The following EEPD1 variants were observed in gnomAD, a reference collection of about 807,000 sequenced individuals.
EEPD1 encodes endonuclease/exonuclease/phosphatase family domain-containing protein 1.
EEPD1 carries 17 observed loss-of-function variants against 46.3 expected under a neutral mutation model. The observed-to-expected ratio is 0.37, with a 90% CI of 0.25 to 0.55. The LOEUF (loss-of-function observed/expected upper bound fraction) is 0.55, where lower values mean the gene tolerates loss of function less well. Among genes scored for constraint, EEPD1 ranks in the 20% least tolerant of loss-of-function variants. The pLI is 0.83. For missense variants in EEPD1, 673 were observed against 745.6 expected (o/e 0.90, Z 1.13); for synonymous variants, 313 against 315.6 (o/e 0.99, Z 0.09).
chr7:36,247,147 A>G (rs369477875), intron 3 of EEPD1, among the ~76,000 whole-genome samples: 94 of 152,124 alleles, frequency 6.2e-4, no homozygotes, highest in Middle Eastern at 6.8e-3. Flanking sequence ...AAAGAAAAGA[A>G]AAAAATTGAA....
intron 2 of EEPD1, among the ~76,000 whole-genome samples, chr7:36,188,771 C>T (rs1785410619): frequency 6.6e-6 from 1 of 151,922 alleles, no homozygotes; most frequent in Non-Finnish European, 1.5e-5. Flanking sequence ...AAAAATTGAG[C>T]TCTGAACTAT....
At chr7:36,271,985 G>T (rs1167359359) in intron 3 of EEPD1, among the ~76,000 whole-genome samples, 1 of 151,758 alleles carries the variant, frequency 6.6e-6, no homozygotes, top group Non-Finnish European at 1.5e-5. Flanking sequence ...AGATTCAAGT[G>T]ATTCTCCTGC....
chr7:36,171,540 C>G (rs1785082282), intron 2 of EEPD1, among the ~76,000 whole-genome samples: 1 of 152,218 alleles, frequency 6.6e-6, no homozygotes, highest in Non-Finnish European at 1.5e-5. Flanking sequence ...ATCTTTCTCG[C>G]TTCTCACATC....
chr7:36,214,481 G>T (rs555951915), intron 2 of EEPD1, among the ~76,000 whole-genome samples: 1 of 152,198 alleles, frequency 6.6e-6, no homozygotes, highest in Non-Finnish European at 1.5e-5. Context: ...CAGTGATTCT[G>T]TGTAAAGTTG....
At chr7:36,249,448 A>G (rs577636076) in intron 3 of EEPD1, among the ~76,000 whole-genome samples, 2 of 152,324 alleles carry the variant, frequency 1.3e-5, no homozygotes, top group South Asian at 4.1e-4. Context: ...ATAAAAATGG[A>G]GAAATAATAA....
intron 2 of EEPD1, among the ~76,000 whole-genome samples, chr7:36,195,398 G>A (rs1191574122): frequency 2.0e-5 from 3 of 152,212 alleles, no homozygotes; most frequent in African/African-American, 7.2e-5. Context: ...TGGTATAGAG[G>A]TGGGTTCCTC....
chr7:36,241,721 G>A (rs1270160041), intron 3 of EEPD1, among the ~76,000 whole-genome samples: 1 of 151,946 alleles, frequency 6.6e-6, no homozygotes, highest in African/African-American at 2.4e-5. Flanking sequence ...ACAAAACTTA[G>A]CCAGGCGGTA....
intron 2 of EEPD1, among the ~76,000 whole-genome samples, chr7:36,238,370 G>T (rs899837945): frequency 3.3e-5 from 5 of 152,120 alleles, no homozygotes; most frequent in African/African-American, 1.2e-4. Context: ...GTATGTCTTG[G>T]CCTTATTTTA....
chr7:36,217,719 G>A (rs1786053578), intron 2 of EEPD1, among the ~76,000 whole-genome samples: 1 of 152,180 alleles, frequency 6.6e-6, no homozygotes, highest in African/African-American at 2.4e-5. Flanking sequence ...CCTGCCCAGA[G>A]AACCTAACTG....
At chr7:36,235,950 A>C (rs1457073506) in intron 2 of EEPD1, among the ~76,000 whole-genome samples, 2 of 145,970 alleles carry the variant, frequency 1.4e-5, no homozygotes, top group Middle Eastern at 3.3e-3. Flanking sequence ...TTTGAGACAG[A>C]GTCTCGCTCT....
chr7:36,188,592 G>A (rs181680628), intron 2 of EEPD1, among the ~76,000 whole-genome samples: 184 of 152,266 alleles, frequency 1.2e-3, no homozygotes, highest in African/African-American at 4.0e-3. Flanking sequence ...CAGGGTGGGG[G>A]TGTCCTGTGA....
chr7:36,233,649 T>C (rs1335629025), intron 2 of EEPD1, among the ~76,000 whole-genome samples: 1 of 152,202 alleles, frequency 6.6e-6, no homozygotes, highest in African/African-American at 2.4e-5. Context: ...TGATCTGGGA[T>C]GCTGGTTTAA....
At chr7:36,200,580 C>G (rs1166707983) in intron 2 of EEPD1, among the ~76,000 whole-genome samples, 1 of 152,210 alleles carries the variant, frequency 6.6e-6, no homozygotes, top group East Asian at 1.9e-4. Context: ...TCATTAGCTT[C>G]ACATTCCAGT....
intron 3 of EEPD1, among the ~76,000 whole-genome samples, chr7:36,263,890 A>AT (rs1786971803): frequency 6.6e-6 from 1 of 152,214 alleles, no homozygotes; most frequent in Admixed American, 6.5e-5. Flanking sequence ...CTTTGCAAGG[A>AT]TACATTTGCG....
intron 2 of EEPD1, among the ~76,000 whole-genome samples, chr7:36,195,559 A>G (rs1314828839): frequency 6.6e-6 from 1 of 152,228 alleles, no homozygotes; most frequent in Non-Finnish European, 1.5e-5. Flanking sequence ...TTATAGAAGC[A>G]GAGAGTAGAA....
At chr7:36,252,574 G>A (rs117317138) in intron 3 of EEPD1, among the ~76,000 whole-genome samples, 1,612 of 152,266 alleles carry the variant, frequency 0.011, 15 homozygotes, top group Admixed American at 0.018. Context: ...GACAAGAGTA[G>A]CTTATATCAG....
At position 36,204,934 on chromosome 7, in the gene EEPD1, T is replaced by A. The variant is rs138390706; in HGVS notation, c.879-34051T>A. On this transcript the variant is annotated intron_variant, in intron 2 of 7. Transcript: ENST00000242108. ...AAATGAATAAATTATGGCCACTGCCTTCTAGGAACTGGTGGAAAAGACCAT... is the reference window on the plus strand; with the variant it reads ...AAATGAATAAATTATGGCCACTGCCATCTAGGAACTGGTGGAAAAGACCAT... Among the ~76,000 whole-genome samples, 708 of 152,320 alleles carry A rather than the reference T, an allele frequency of 4.6e-3. 5 individuals are homozygous for A. Among genetic ancestry groups the A allele is most frequent in the African/African-American group, 0.016 (669 of 41,562 alleles).
At chr7:36,296,819 C>T (rs1787532444) in intron 6 of EEPD1, among the ~76,000 whole-genome samples, 174 bp from the exon 7 acceptor site, 2 of 149,430 alleles carry the variant, frequency 1.3e-5, no homozygotes, top group Non-Finnish European at 3.0e-5. Context: ...ATATTGGTGG[C>T]AGGGTGATAT....
chr7:36,198,268 T>A (rs1271337951), intron 2 of EEPD1, among the ~76,000 whole-genome samples: 1 of 148,572 alleles, frequency 6.7e-6, no homozygotes, highest in African/African-American at 2.5e-5. Flanking sequence ...CCAGGACGTT[T>A]TACTAAGTTA....
Sources: gnomAD v4.1 joint callset for allele counts (sites outside exome capture counted in the v4.1 genomes callset) on GRCh38, gnomAD v4.1.1 for gene constraint, MANE v1.5 for transcripts, NCBI Gene and HGNC (gene_info 2026-07-23, HGNC 2026-07-21) for gene names.